Variants in NRG1 observed in about 807,000 individuals in gnomAD.
The protein encoded by NRG1 is pro-neuregulin-1, membrane-bound isoform.
In NRG1, 18 loss-of-function variants were observed where a neutral mutation model predicts 63.8. That is an observed-to-expected ratio of 0.28 (90% CI 0.19 to 0.42). The LOEUF is 0.42. Ranked by LOEUF, NRG1 falls within the 10% of genes least tolerant of loss-of-function variation. The pLI, the probability that NRG1 is intolerant of heterozygous loss-of-function variation, is 1.00. For missense variants in NRG1, 762 were observed against 814.7 expected, an observed-to-expected ratio of 0.94 and a Z score of 0.79; for synonymous variants, 302 against 301.3, an observed-to-expected ratio of 1.00 and a Z score of -0.02.
intron 5 of NRG1, among the ~76,000 whole-genome samples, chr8:32,668,552 C>T (rs1804820325): frequency 6.6e-6 from 1 of 152,094 alleles, no homozygotes; most frequent in African/African-American, 2.4e-5. Context: ...GCTGTCTCAC[C>T]CAGTATCTTG....
At chr8:32,660,373 C>G (rs1262156809) in intron 5 of NRG1, among the ~76,000 whole-genome samples, 1 of 152,126 alleles carries the variant, frequency 6.6e-6, no homozygotes, top group Non-Finnish European at 1.5e-5. Context: ...CTGAGGGTAA[C>G]TTGCTTATGG....
chr8:31,735,772 G>A (rs576156879), intron 1 of NRG1, among the ~76,000 whole-genome samples: 6 of 152,192 alleles, frequency 3.9e-5, no homozygotes, highest in Admixed American at 1.3e-4. Context: ...CCACAGCCTC[G>A]CAAGATGGCA....
At chr8:32,306,808 A>T (rs2129475612) in intron 1 of NRG1, among the ~76,000 whole-genome samples, 1 of 152,336 alleles carries the variant, frequency 6.6e-6, no homozygotes. Flanking sequence ...TAATCGATTG[A>T]TTGAAAATGC....
At chr8:32,125,347 A>G (rs1181139578) in intron 1 of NRG1, among the ~76,000 whole-genome samples, 1 of 151,942 alleles carries the variant, frequency 6.6e-6, no homozygotes, top group Admixed American at 6.6e-5. Flanking sequence ...CGTCTTTACT[A>G]TTATGCTTAC....
intron 1 of NRG1, among the ~76,000 whole-genome samples, chr8:32,452,011 A>G (rs1303030015): frequency 6.6e-6 from 1 of 152,054 alleles, no homozygotes; most frequent in African/African-American, 2.4e-5. Context: ...ATTTTTTGGT[A>G]GAGACGGAGT....
exon 12 of NRG1, chr8:32,767,365 G>A (rs1589672776): frequency 6.6e-6 from 1 of 152,154 alleles, no homozygotes; most frequent in East Asian, 1.9e-4. Context: ...GTGAAAATAA[G>A]GAAGGCCTGG....
intron 1 of NRG1, among the ~76,000 whole-genome samples, chr8:31,921,102 A>G (rs4733281): frequency 0.26 from 38,968 of 152,152 alleles, 6,024 homozygotes; most frequent in East Asian, 0.69. Context: ...GTACAAAATT[A>G]CAATATGCAA....
intron 5 of NRG1, among the ~76,000 whole-genome samples, chr8:32,641,907 A>T (rs1852467799): frequency 6.6e-6 from 1 of 152,190 alleles, no homozygotes; most frequent in South Asian, 2.1e-4. Context: ...AGAACATCAC[A>T]CAGCACATGG....
chr8:32,082,413 A>G (rs910587916), intron 1 of NRG1, among the ~76,000 whole-genome samples: 7 of 151,770 alleles, frequency 4.6e-5, no homozygotes, highest in South Asian at 2.1e-4. Context: ...TTTCACCTCT[A>G]TGTGTCCATG....
intron 1 of NRG1, 152 bp from the exon 2 acceptor site, chr8:32,595,676 C>A: frequency 1.9e-6 from 1 of 539,874 alleles, no homozygotes; most frequent in South Asian, 4.5e-5. Context: ...AGATGAGATC[C>A]ATTTTCGCTC....
At chr8:32,517,312 G>A (rs1829923813) in intron 1 of NRG1, among the ~76,000 whole-genome samples, 1 of 152,020 alleles carries the variant, frequency 6.6e-6, no homozygotes, top group African/African-American at 2.4e-5. Flanking sequence ...GTCCATTTAA[G>A]TTCAAATCCT....
intron 1 of NRG1, among the ~76,000 whole-genome samples, chr8:31,754,189 A>C (rs1816747268): frequency 6.6e-6 from 1 of 152,072 alleles, no homozygotes; most frequent in South Asian, 2.1e-4. Context: ...ATTCCCATGT[A>C]ATATAGTCTG....
At chr8:32,173,523 C>T (rs1241673077) in intron 1 of NRG1, among the ~76,000 whole-genome samples, 1 of 152,098 alleles carries the variant, frequency 6.6e-6, no homozygotes, top group East Asian at 1.9e-4. Context: ...GCTAAATGCT[C>T]CAATTAAAAG....
At chr8:31,756,048 A>G (rs1816935058) in intron 1 of NRG1, among the ~76,000 whole-genome samples, 1 of 152,124 alleles carries the variant, frequency 6.6e-6, no homozygotes, top group African/African-American at 2.4e-5. Context: ...AGACATCTAA[A>G]TCCATGCAAA....
At chr8:32,321,851 AT>A (rs34220668) in intron 1 of NRG1, among the ~76,000 whole-genome samples, 92,406 of 149,978 alleles carry the variant, frequency 0.62, 28,953 homozygotes, top group Non-Finnish European at 0.67. Flanking sequence ...TGTTTCTTTG[AT>A]TTTTTTTTTT....
intron 1 of NRG1, among the ~76,000 whole-genome samples, chr8:31,897,604 GCTT>G (rs1295950283): frequency 6.6e-6 from 1 of 152,044 alleles, no homozygotes; most frequent in Non-Finnish European, 1.5e-5. Flanking sequence ...CTACCTGGAG[GCTT>G]CTTCTGCATA....
intron 1 of NRG1, among the ~76,000 whole-genome samples, chr8:31,948,793 C>T (rs898427326): frequency 2.8e-4 from 43 of 152,026 alleles, no homozygotes; most frequent in African/African-American, 7.5e-4. Flanking sequence ...ATTCATGCCA[C>T]GAGAAGCCTT....
intron 1 of NRG1, among the ~76,000 whole-genome samples, chr8:31,758,304 G>A (rs1817185871): frequency 1.3e-5 from 2 of 152,078 alleles, no homozygotes; most frequent in South Asian, 2.1e-4. Context: ...GTGAGAATGT[G>A]CAGTGTTTGG....
intron 1 of NRG1, among the ~76,000 whole-genome samples, chr8:31,748,647 A>G (rs535308707): frequency 6.6e-6 from 1 of 152,106 alleles, no homozygotes; most frequent in East Asian, 1.9e-4. Flanking sequence ...AAAATAGAAT[A>G]AAGGTCCTTT....
Sources: gnomAD v4.1 joint callset for allele counts (sites outside exome capture counted in the v4.1 genomes callset) on GRCh38, gnomAD v4.1.1 for gene constraint, MANE v1.5 for transcripts, NCBI Gene and HGNC (gene_info 2026-07-23, HGNC 2026-07-21) for gene names.